FLT1: variants seen among roughly 807,000 people sequenced by gnomAD.
FLT1 encodes the protein fms related receptor tyrosine kinase 1.
A neutral mutation model predicts 156.3 loss-of-function variants in FLT1; 49 were observed. The observed-to-expected ratio is 0.31, with a 90% CI of 0.25 to 0.40. FLT1 has a LOEUF of 0.40. FLT1 is among the 10% of genes least tolerant of loss of function. FLT1 has a pLI of 1.00. For synonymous variants in FLT1, 594 were observed against 583.8 expected, an observed-to-expected ratio of 1.02 and a Z score of -0.25; for missense variants, 1,322 against 1,637.2, an observed-to-expected ratio of 0.81 and a Z score of 3.32.
intron 1 of FLT1, among the ~76,000 whole-genome samples, chr13:28,485,534 A>ATAATAAGTTATTTACTG (rs1422190255): frequency 6.6e-6 from 1 of 152,152 alleles, no homozygotes; most frequent in Non-Finnish European, 1.5e-5. Flanking sequence ...GTTATTTACT[A>ATAATAAGTTATTTACTG]TAATAAGTTA....
At chr13:28,422,915 C>T (rs722503) in intron 10 of FLT1, among the ~76,000 whole-genome samples, 113,162 of 152,008 alleles carry the variant, frequency 0.74, 42,251 homozygotes, top group Non-Finnish European at 0.75. Flanking sequence ...AGAGAAGGTC[C>T]CCTTCCCTCC....
chr13:28,417,345 C>T (rs2137520259), intron 10 of FLT1, among the ~76,000 whole-genome samples: 1 of 151,916 alleles, frequency 6.6e-6, no homozygotes, highest in Middle Eastern at 3.5e-3. Context: ...TTGTCCCTCT[C>T]CCCTTCCATT....
intron 1 of FLT1, among the ~76,000 whole-genome samples, chr13:28,488,562 C>T (rs1034628224): frequency 2.6e-5 from 4 of 152,144 alleles, no homozygotes; most frequent in Non-Finnish European, 5.9e-5. Context: ...GCTGATGTTG[C>T]TGGACCTCGG....
Position 28,322,874 on chromosome 13 carries a change from G to A in FLT1, c.2869C>T (p.Leu957=), listed in dbSNP as rs1359457424. The A allele has an allele frequency of 3.1e-6, 5 of 1,614,024 alleles. No individual in the cohort carries two copies. The highest frequency in any genetic ancestry group is 4.2e-6 in the Non-Finnish European group (5 of 1,180,024). ...PGLEQGKKPR[L]DSVTSSESFA... is the part of the protein sequence containing the mutation. ...CTTTCGCTGCTGGTGACGCTATCTA[G>A]TCTTGGTTTCTTGCCTTGTTCCAGG... is the stretch of plus-strand genomic sequence containing the variant. The change falls in exon 21 of 30, where the codon CTA becomes TTA. Residue 957 remains leucine, a synonymous_variant. Transcript: ENST00000282397. The surrounding 1 kb of genome is among the most constrained non-coding windows in gnomAD (Gnocchi z 4.3).
chr13:28,322,811 T>C lies in FLT1; in HGVS notation c.2932A>G (p.Ser978Gly). The C allele has an allele frequency of 9.9e-6, 16 of 1,614,068 alleles. No individual in the cohort carries two copies. The highest frequency in any genetic ancestry group is 1.4e-5 in the Non-Finnish European group (16 of 1,180,016). The change falls in exon 21 of 30, where the codon AGT becomes GGT. Residue 978 changes from serine (S) to glycine (G), a missense_variant. Coordinates refer to ENST00000282397, the MANE Select transcript of FLT1 (RefSeq NM_002019.4). The surrounding 1 kb of genome is among the most constrained non-coding windows in gnomAD (Gnocchi z 4.3). ...CTACCCTCCTCTTCCTCAACATCACTCAGACTTTTATCTTCCTGAAAGCCG... is the reference window on the plus strand; with the variant it reads ...CTACCCTCCTCTTCCTCAACATCACCCAGACTTTTATCTTCCTGAAAGCCG... ...SSGFQEDKSL[S>G]DVEEEEDSDG...
At chr13:28,434,978 T>C (rs1877943997) in intron 4 of FLT1, among the ~76,000 whole-genome samples, 1 of 152,222 alleles carries the variant, frequency 6.6e-6, no homozygotes, top group South Asian at 2.1e-4. Context: ...TAACAAGCCA[T>C]AGTTTTTCCT....
rs1299018184 is a variant in FLT1 at position 28,413,901 on chromosome 13, T to C, written c.1437-8007A>G. 2.0e-5 allele frequency among the ~76,000 whole-genome samples: 3 copies of C among 152,234 alleles called. No homozygotes were observed. In the East Asian group the frequency reaches 5.8e-4, roughly 29 times the overall value. ...TTTTATAACATCCTAGTTATGTAAC[T>C]GTGGATGTCAAAAACCTGACTTTGA... On this transcript the variant is annotated intron_variant, in intron 10 of 29. Transcript: ENST00000282397.
chr13:28,357,622 C>T lies in FLT1; in HGVS notation c.2180G>A (p.Gly727Asp), dbSNP rs1269253138. 6.2e-7 allele frequency: 1 copy of T among 1,613,054 alleles called. No individual in the cohort carries two copies. The highest frequency in any genetic ancestry group is 8.5e-7 in the Non-Finnish European group (1 of 1,179,024). ...FIERVTEEDEGVYHCKATNQK... is the reference protein window; with the variant it reads ...FIERVTEEDEDVYHCKATNQK... ...GTTGGTGGCTTTGCAGTGATAGACA[C>T]CTTCATCCTCTTCTGTGACTCTTTC... Residue 727 changes from glycine to aspartate, a missense_variant, in exon 15 of 30, where the codon GGT (glycine) becomes GAT (aspartate). By Grantham distance (94) the Gly-to-Asp change is moderately conservative (BLOSUM62 -1). Coordinates refer to ENST00000282397, the MANE Select transcript of FLT1 (RefSeq NM_002019.4).
chr13:28,357,270 T>A (rs61763259), intron 15 of FLT1, among the ~76,000 whole-genome samples: 3 of 151,990 alleles, frequency 2.0e-5, no homozygotes, highest in Admixed American at 6.6e-5. Context: ...CAGGGCGTAA[T>A]AACACAGTCA....
At chr13:28,414,150 G>A (rs61950241) in intron 10 of FLT1, among the ~76,000 whole-genome samples, 4 of 152,166 alleles carry the variant, frequency 2.6e-5, no homozygotes, top group South Asian at 2.1e-4. Flanking sequence ...TTAGTGTCCC[G>A]CAGCGTATGA....
Position 28,433,373 on chromosome 13 carries a change from A to G in FLT1, c.813+446T>C, listed in dbSNP as rs1291047189. Among the ~76,000 whole-genome samples the G allele has an allele frequency of 5.3e-5, 8 of 152,212 alleles. No homozygotes were observed. In the East Asian group the frequency reaches 1.5e-3, roughly 29 times the overall value. On this transcript the variant is annotated intron_variant, in intron 6 of 29. Coordinates refer to ENST00000282397, the MANE Select transcript of FLT1 (RefSeq NM_002019.4). ...CTGGGTTGTAATATCTTTTCCAAACATGCTCCAATCAGGTGCCTGACTGTC... is the reference window on the plus strand; with the variant it reads ...CTGGGTTGTAATATCTTTTCCAAACGTGCTCCAATCAGGTGCCTGACTGTC...
chr13:28,399,103 T>G, intron 11 of FLT1: 1 of 1,550,692 alleles, frequency 6.4e-7, no homozygotes, highest in East Asian at 2.4e-5. Flanking sequence ...ATGAAAGAAC[T>G]GTTAGCTGGT....
intron 14 of FLT1, among the ~76,000 whole-genome samples, chr13:28,373,270 G>A (rs1323578204): frequency 1.3e-5 from 2 of 152,162 alleles, no homozygotes; most frequent in Non-Finnish European, 2.9e-5. Context: ...GTATGAGATG[G>A]CTACTTAAAC....
intron 10 of FLT1, among the ~76,000 whole-genome samples, chr13:28,412,415 T>TTC (rs1391792850): frequency 6.7e-6 from 1 of 148,172 alleles, no homozygotes; most frequent in Non-Finnish European, 1.5e-5. Flanking sequence ...TTTCTTCTCT[T>TTC]TCTCTCTCTC....
chr13:28,436,021 G>A (rs953271262), intron 4 of FLT1, among the ~76,000 whole-genome samples: 30 of 152,180 alleles, frequency 2.0e-4, no homozygotes, highest in African/African-American at 5.8e-4. Flanking sequence ...GCTGACAGAC[G>A]TCCTCAGTAC....
intron 15 of FLT1, among the ~76,000 whole-genome samples, chr13:28,355,669 C>T (rs1445551615): frequency 6.6e-6 from 1 of 152,190 alleles, no homozygotes; most frequent in Non-Finnish European, 1.5e-5. Flanking sequence ...GATGCACTAA[C>T]ATCACAAACA....
At position 28,439,410 on chromosome 13, in the gene FLT1, T is replaced by A. The variant is rs999607081; in HGVS notation, c.389-1065A>T. On this transcript the variant is annotated intron_variant, in intron 3 of 29. Transcript: ENST00000282397. The surrounding 1 kb of genome is among the most constrained non-coding windows in gnomAD (Gnocchi z 4.1). The stretch of plus-strand genomic sequence containing the variant: ...CAGGTTTGTGGATTACGAAGCTAAT[T>A]CAGGATGCTGAATGGAGAAGGAATT... Among the ~76,000 whole-genome samples, 1 of 152,144 alleles carries A rather than the reference T, an allele frequency of 6.6e-6. No homozygotes were observed. Among genetic ancestry groups the A allele is most frequent in the African/African-American group, 2.4e-5 (1 of 41,424 alleles).
chr13:28,380,029 A>AAAATTCTCT (rs1391310474), intron 14 of FLT1, among the ~76,000 whole-genome samples: 6 of 152,238 alleles, frequency 3.9e-5, no homozygotes, highest in African/African-American at 1.4e-4. Context: ...CAAGGTCACT[A>AAAATTCTCT]AAATTCTCTT....
intron 3 of FLT1, among the ~76,000 whole-genome samples, chr13:28,446,844 T>A (rs1469726365): frequency 3.3e-5 from 5 of 152,116 alleles, no homozygotes; most frequent in Non-Finnish European, 5.9e-5. Context: ...GACAAAACAA[T>A]CTTGAAAAGC....
Sources: allele counts gnomAD v4.1 joint callset (sites outside exome capture counted in the v4.1 genomes callset), GRCh38; gene constraint gnomAD v4.1.1; non-coding constraint Gnocchi (gnomAD v3.1); transcripts MANE v1.5; gene names NCBI Gene and HGNC (gene_info 2026-07-23, HGNC 2026-07-21).